PCDHGA3: variants seen among roughly 807,000 people sequenced by gnomAD.
PCDHGA3 encodes protocadherin gamma-A3.
A neutral mutation model predicts 58.5 loss-of-function variants in PCDHGA3; 40 were observed. The observed-to-expected ratio is 0.68, with a 90% CI of 0.53 to 0.89. PCDHGA3 has a LOEUF of 0.89. Ranked by LOEUF, PCDHGA3 falls within the 40% of genes least tolerant of loss-of-function variation. The pLI is 0.00. For missense variants in PCDHGA3, 1,223 were observed against 1,195.9 expected (o/e 1.02, Z -0.33); for synonymous variants, 530 against 525.7 (o/e 1.01, Z -0.11).
At chr5:141,370,501 C>G in intron 1 of PCDHGA3, 1 of 1,613,952 alleles carries the variant, frequency 6.2e-7, no homozygotes, top group South Asian at 1.1e-5. Flanking sequence ...ATCCGCTACG[C>G]TATTCCCGAG....
chr5:141,417,414 A>G (rs1255289735), intron 1 of PCDHGA3: 1 of 157,986 alleles, frequency 6.3e-6, no homozygotes, highest in Non-Finnish European at 1.4e-5. Flanking sequence ...TTCAAGATAT[A>G]TGTAAATTCA....
intron 1 of PCDHGA3, chr5:141,356,408 G>A (rs375778889): frequency 6.3e-7 from 1 of 1,595,544 alleles, no homozygotes; most frequent in Non-Finnish European, 8.5e-7. Context: ...AATTATTATC[G>A]GTTGTTGACA....
At chr5:141,349,241 T>C (rs576818086) in intron 1 of PCDHGA3, among the ~76,000 whole-genome samples, 2 of 98,110 alleles carry the variant, frequency 2.0e-5, no homozygotes, top group Non-Finnish European at 3.7e-5. Flanking sequence ...GGATAATTTT[T>C]ATTTTTTTTA....
intron 1 of PCDHGA3, among the ~76,000 whole-genome samples, chr5:141,483,015 G>A (rs916071219): frequency 2.0e-5 from 3 of 152,044 alleles, no homozygotes; most frequent in African/African-American, 7.2e-5. Context: ...AACCCGGGAG[G>A]CAGAGGTTGC....
At chr5:141,379,660 C>T (rs922191885) in intron 1 of PCDHGA3, 1 of 152,100 alleles carries the variant, frequency 6.6e-6, no homozygotes, top group African/African-American at 2.4e-5. Flanking sequence ...CTTCTACTCT[C>T]ACAAAAGTCA....
At chr5:141,471,901 G>C (rs1224804131) in intron 1 of PCDHGA3, among the ~76,000 whole-genome samples, 1 of 152,146 alleles carries the variant, frequency 6.6e-6, no homozygotes, top group Non-Finnish European at 1.5e-5. Context: ...ATTGACTACA[G>C]ACAAGCATGA....
chr5:141,413,129 A>T (rs761379605), intron 1 of PCDHGA3: 41 of 1,536,352 alleles, frequency 2.7e-5, no homozygotes, highest in Non-Finnish European at 3.6e-5. Context: ...GTTGAAACAC[A>T]CAACGTGTCC....
At chr5:141,449,080 A>G (rs2098627421) in intron 1 of PCDHGA3, among the ~76,000 whole-genome samples, 1 of 152,198 alleles carries the variant, frequency 6.6e-6, no homozygotes, top group Non-Finnish European at 1.5e-5. Context: ...CCCTGTACCT[A>G]CATCAGTTTT....
chr5:141,473,254 T>C (rs1203765731), intron 1 of PCDHGA3, among the ~76,000 whole-genome samples: 5 of 152,152 alleles, frequency 3.3e-5, no homozygotes, highest in African/African-American at 4.8e-5. Context: ...ACATATATAG[T>C]CCTTAGTGTA....
chr5:141,441,772 TG>T, intron 1 of PCDHGA3: 1 of 388,268 alleles, frequency 2.6e-6, no homozygotes, highest in South Asian at 2.0e-5. Flanking sequence ...CGCGTGTTGG[TG>T]GACGACCTGA....
chr5:141,407,938 GC>G, intron 1 of PCDHGA3: 1 of 510,154 alleles, frequency 2.0e-6, no homozygotes, highest in Non-Finnish European at 3.3e-6. Context: ...GCCTCTGGGC[GC>G]CGCTGTCGGC....
At position 141,511,373 on chromosome 5, in the gene PCDHGA3, G is replaced by C. The variant is rs1361376059; in HGVS notation, c.*200G>C. 16 of 1,251,214 alleles carry C rather than the reference G, an allele frequency of 1.3e-5. No homozygotes were observed. Among genetic ancestry groups the C allele is most frequent in the Non-Finnish European group, 1.4e-5 (13 of 925,282 alleles). The allele number at this position is 1,251,214 out of a possible 1,614,324, so 77.5% of individuals were successfully genotyped here. A position where few individuals can be genotyped will look rare whatever the true frequency, so the allele number is the denominator to read the frequency against. ...CCCCCAGGGGGTTGAATATGCAAAAGCAGTTCCGCTGGGAACCCCCATCCA... is the reference window on the plus strand; with the variant it reads ...CCCCCAGGGGGTTGAATATGCAAAACCAGTTCCGCTGGGAACCCCCATCCA... On this transcript the variant is annotated 3_prime_UTR_variant, in exon 4 of 4. Transcript: ENST00000253812.
chr5:141,390,373 A>T, intron 1 of PCDHGA3: 1 of 1,481,208 alleles, frequency 6.8e-7, no homozygotes, highest in Non-Finnish European at 9.2e-7. Flanking sequence ...AAAATATATA[A>T]TTTTTAGATG....
intron 1 of PCDHGA3, among the ~76,000 whole-genome samples, chr5:141,406,446 CTA>C: frequency 6.6e-6 from 1 of 152,200 alleles, no homozygotes; most frequent in Non-Finnish European, 1.5e-5. Context: ...TCTTCCATTT[CTA>C]TGACAGGAAA....
In PCDHGA3 at chr5:141,431,023, C is replaced by T. The variant is rs374655655; in HGVS notation, c.2425-63784C>T. 1 of 1,613,748 alleles carries T rather than the reference C, an allele frequency of 6.2e-7. No homozygotes were observed. On this transcript the variant is annotated intron_variant, in intron 1 of 3. Coordinates refer to ENST00000253812, the MANE Select transcript of PCDHGA3 (RefSeq NM_018916.4). This position sits in a 1 kb window ranked among gnomAD's most constrained non-coding sequence, Gnocchi z 4.8. Reference sequence around the variant, plus strand: ...GCAGCGGCAGCTTGGTCACGGCGGGCAGGATAGACCGGGAGGAGCTCTGTA... The same window carrying T: ...GCAGCGGCAGCTTGGTCACGGCGGGTAGGATAGACCGGGAGGAGCTCTGTA...
Position 141,409,135 on chromosome 5 carries a change from T to C in PCDHGA3, c.2424+62678T>C, listed in dbSNP as rs748247175. 3.1e-6 allele frequency: 5 copies of C among 1,614,026 alleles called. No homozygotes were observed. In the South Asian group the frequency reaches 3.3e-5, roughly 11 times the overall value. On this transcript the variant is annotated intron_variant, in intron 1 of 3. Coordinates refer to ENST00000253812, the MANE Select transcript of PCDHGA3 (RefSeq NM_018916.4). ...ATAACCAGTCATTTGATTTTGAAGA[T>C]GTAGAAAGGTACACCATGGAAGTGG...
chr5:141,361,102 G>T lies in PCDHGA3; in HGVS notation c.2424+14645G>T, dbSNP rs1025745459. ...TTACACTCTGAGTATCGAAGCAAAA[G>T]ATCCTGGAGATCTAGCAGCCCACTG... On this transcript the variant is annotated intron_variant, in intron 1 of 3. Coordinates refer to ENST00000253812, the MANE Select transcript of PCDHGA3 (RefSeq NM_018916.4). The T allele has an allele frequency of 3.1e-6, 5 of 1,613,890 alleles. No individual in the cohort carries two copies. In the Admixed American group the frequency reaches 5.0e-5, roughly 16 times the overall value.
chr5:141,427,013 T>A, intron 1 of PCDHGA3: 2 of 456,846 alleles, frequency 4.4e-6, no homozygotes, highest in Non-Finnish European at 8.8e-6. Flanking sequence ...TTAGCCAGGA[T>A]GTATACAAAG....
chr5:141,355,412 G>A lies in PCDHGA3; in HGVS notation c.2424+8955G>A, dbSNP rs556932481. On this transcript the variant is annotated intron_variant, in intron 1 of 3. Coordinates refer to ENST00000253812, the MANE Select transcript of PCDHGA3 (RefSeq NM_018916.4). ...GGAGTCCGCATCGTCTCCAGAGGTA[G>A]GACGCAGCTTTTCGCCCTGAACCCG... is the stretch of plus-strand genomic sequence containing the variant. 188 of 1,614,112 alleles carry A rather than the reference G, an allele frequency of 1.2e-4. 2 individuals are homozygous for A. In the South Asian group the frequency reaches 2.0e-3, roughly 17 times the overall value.
Sources: gnomAD v4.1 joint callset for allele counts (sites outside exome capture counted in the v4.1 genomes callset) on GRCh38, gnomAD v4.1.1 for gene constraint, Gnocchi (gnomAD v3.1) non-coding constraint, MANE v1.5 for transcripts, NCBI Gene and HGNC (gene_info 2026-07-23, HGNC 2026-07-21) for gene names.